SHROOM3: variants seen among roughly 807,000 people sequenced by gnomAD.
The protein encoded by SHROOM3 is protein Shroom3.
A neutral mutation model predicts 138.6 loss-of-function variants in SHROOM3; 47 were observed. The observed-to-expected ratio is 0.34, with a 90% CI of 0.27 to 0.43. The LOEUF (loss-of-function observed/expected upper bound fraction) is 0.43, where lower values mean the gene tolerates loss of function less well. Among genes scored for constraint, SHROOM3 ranks in the 20% least tolerant of loss-of-function variants. The probability of loss-of-function intolerance (pLI) is 1.00; values close to 1 mark genes in which losing one functional copy is unlikely to be tolerated. For missense variants in SHROOM3, 2,491 were observed against 2,596.5 expected, an observed-to-expected ratio of 0.96 and a Z score of 0.88; for synonymous variants, 1,062 against 1,063.3, an observed-to-expected ratio of 1.00 and a Z score of 0.02.
In SHROOM3 at chr4:76,552,696, T is replaced by C. The variant is rs192541669; in HGVS notation, c.169-2913T>C. On this transcript the variant is annotated intron_variant, in intron 1 of 10. Coordinates refer to ENST00000296043, the MANE Select transcript of SHROOM3 (RefSeq NM_020859.4). ...GCTATGTCTGCATATAATTTGTATA[T>C]GTAATATATGTATATATATAATTGC... Among the ~76,000 whole-genome samples the C allele has an allele frequency of 8.7e-3, 1,326 of 151,746 alleles. 11 individuals carry two copies. The highest frequency in any genetic ancestry group is 0.019 in the Admixed American group (290 of 15,198).
intron 1 of SHROOM3, among the ~76,000 whole-genome samples, chr4:76,550,679 T>C (rs1023161929): frequency 1.3e-5 from 2 of 152,056 alleles, no homozygotes; most frequent in African/African-American, 4.8e-5. Flanking sequence ...CCATGAAATG[T>C]TTGACAAATA....
At chr4:76,763,504 G>T (rs1282419600) in intron 9 of SHROOM3, among the ~76,000 whole-genome samples, 1 of 152,186 alleles carries the variant, frequency 6.6e-6, no homozygotes, top group Non-Finnish European at 1.5e-5. Context: ...GGCAGAGGCT[G>T]CAGTGAACCA....
At chr4:76,694,437 T>C (rs1460613695) in intron 2 of SHROOM3, among the ~76,000 whole-genome samples, 2 of 152,234 alleles carry the variant, frequency 1.3e-5, no homozygotes, top group Admixed American at 1.3e-4. Context: ...CTAGTTCTTT[T>C]AATTGATGTT....
intron 2 of SHROOM3, among the ~76,000 whole-genome samples, chr4:76,642,976 G>T (rs1735714092): frequency 2.6e-5 from 4 of 152,122 alleles, no homozygotes; most frequent in Non-Finnish European, 4.4e-5. Context: ...GGAGGCCGAG[G>T]CGGGCAGATC....
At chr4:76,576,866 A>T (rs1008282805) in intron 2 of SHROOM3, among the ~76,000 whole-genome samples, 25 of 152,026 alleles carry the variant, frequency 1.6e-4, no homozygotes, top group African/African-American at 5.8e-4. Context: ...TTAATTTTTA[A>T]ATTAAATTTT....
intron 4 of SHROOM3, among the ~76,000 whole-genome samples, chr4:76,737,785 C>T (rs988684737): frequency 1.3e-5 from 2 of 152,120 alleles, no homozygotes; most frequent in African/African-American, 4.8e-5. Flanking sequence ...TGCTTTTTCA[C>T]CATCTGTATA....
chr4:76,485,369 G>C (rs527891949), intron 1 of SHROOM3, among the ~76,000 whole-genome samples: 1 of 152,334 alleles, frequency 6.6e-6, no homozygotes, highest in East Asian at 1.9e-4. Context: ...TGGAACATTT[G>C]TGAGAGAAGA....
intron 2 of SHROOM3, among the ~76,000 whole-genome samples, chr4:76,681,731 C>A (rs1577970981): frequency 6.6e-6 from 1 of 151,814 alleles, no homozygotes; most frequent in East Asian, 1.9e-4. Context: ...GTATCTGCAG[C>A]CTTTTCAGAT....
At chr4:76,594,305 C>T (rs1437801065) in intron 2 of SHROOM3, among the ~76,000 whole-genome samples, 1 of 152,124 alleles carries the variant, frequency 6.6e-6, no homozygotes, top group Non-Finnish European at 1.5e-5. Flanking sequence ...CACTTTATTG[C>T]CCTCTGTGAG....
intron 2 of SHROOM3, among the ~76,000 whole-genome samples, chr4:76,633,679 GAA>G (rs1363600830): frequency 1.2e-5 from 1 of 85,662 alleles, no homozygotes; most frequent in Non-Finnish European, 2.4e-5. Flanking sequence ...AAAAAAAAAA[GAA>G]AAGAAATTCT....
At chr4:76,718,813 C>T (rs1434942525) in intron 3 of SHROOM3, among the ~76,000 whole-genome samples, 1 of 152,174 alleles carries the variant, frequency 6.6e-6, no homozygotes. Context: ...AAAAACACAA[C>T]CCTTTCTTCA....
At chr4:76,651,381 C>T (rs1735953042) in intron 2 of SHROOM3, among the ~76,000 whole-genome samples, 1 of 132,410 alleles carries the variant, frequency 7.6e-6, no homozygotes, top group South Asian at 2.4e-4. Flanking sequence ...TCTGTATTAA[C>T]ACATCTCATG....
chr4:76,495,193 G>T (rs937049344), intron 1 of SHROOM3, among the ~76,000 whole-genome samples: 1 of 152,176 alleles, frequency 6.6e-6, no homozygotes, highest in Non-Finnish European at 1.5e-5. Context: ...GATTGTAAGC[G>T]TGGACACTGT....
chr4:76,739,900 C>A lies in SHROOM3; in HGVS notation c.1727C>A (p.Thr576Lys), dbSNP rs979034369. 1.2e-6 allele frequency: 2 copies of A among 1,614,200 alleles called. No homozygotes were observed. Among genetic ancestry groups the A allele is most frequent in the Non-Finnish European group, 8.5e-7 (1 of 1,180,056 alleles). ...EEDASLKRHL[T>K]PPQGNSPHSN... The stretch of plus-strand genomic sequence containing the variant: ...GATGCCTCCCTGAAGAGACATCTCA[C>A]ACCTCCCCAAGGCAACAGCCCACAT... Residue 576 changes from threonine to lysine, a missense_variant, in exon 5 of 11, where the codon ACA (threonine) becomes AAA (lysine). By Grantham distance (78) the Thr-to-Lys change is moderately conservative (BLOSUM62 -1). Around this residue, in one of 4 missense-constraint regions of SHROOM3, gnomAD observed 1,733 missense variants for 1,661.6 expected, o/e 1.04. Coordinates refer to ENST00000296043, the MANE Select transcript of SHROOM3 (RefSeq NM_020859.4).
rs888006541 is a variant in SHROOM3 at position 76,741,116 on chromosome 4, G to A, written c.2943G>A (p.Thr981=). ...CGTCGGCCTCCGCCTCCCCGCACACGCCCCGGGAGCGGCACAGCGTGACCC... is the reference window on the plus strand; with the variant it reads ...CGTCGGCCTCCGCCTCCCCGCACACACCCCGGGAGCGGCACAGCGTGACCC... The part of the protein sequence containing the change: ...PEASASASPH[T]PRERHSVTPA... The change falls in exon 5 of 11, where the codon ACG becomes ACA. Residue 981 remains threonine, a synonymous_variant. Coordinates refer to ENST00000296043, the MANE Select transcript of SHROOM3 (RefSeq NM_020859.4). This position sits in a 1 kb window ranked among gnomAD's most constrained non-coding sequence, Gnocchi z 6.2. The A allele has an allele frequency of 3.2e-6, 5 of 1,550,266 alleles. No homozygotes were observed. The highest frequency in any genetic ancestry group is 4.4e-6 in the Non-Finnish European group (5 of 1,147,862).
chr4:76,710,059 G>C, intron 2 of SHROOM3, 97 bp from the exon 3 acceptor site: 1 of 1,549,196 alleles, frequency 6.5e-7, no homozygotes, highest in Non-Finnish European at 8.9e-7. Context: ...TGGCTCCGGG[G>C]TTCGTTTTCA....
At chr4:76,501,713 GC>G (rs1470870482) in intron 1 of SHROOM3, among the ~76,000 whole-genome samples, 6 of 152,114 alleles carry the variant, frequency 3.9e-5, no homozygotes, top group Non-Finnish European at 8.8e-5. Flanking sequence ...ACGTGATAAA[GC>G]CTCCATAAAA....
chr4:76,675,937 G>GATAGGCTGATAGCAGAGAAGGCAGAGAT (rs1339707771), intron 2 of SHROOM3, among the ~76,000 whole-genome samples: 3 of 152,178 alleles, frequency 2.0e-5, no homozygotes, highest in African/African-American at 7.2e-5. Flanking sequence ...AGAAGGCTGA[G>GATAGGCTGATAGCAGAGAAGGCAGAGAT]AGCTGATACA....
rs369613892 is a variant in SHROOM3 at position 76,540,980 on chromosome 4, C to A, written c.169-14629C>A. 1.1e-4 allele frequency among the ~76,000 whole-genome samples: 16 copies of A among 152,206 alleles called. No homozygotes were observed. The East Asian group carries it at 2.1e-3, about 20-fold the overall frequency. ...GAATTGGCAATAAAAAGTGGACTTA[C>A]CTTATATACTTGTAAAATGCATGAA... On this transcript the variant is annotated intron_variant, in intron 1 of 10. Transcript: ENST00000296043.
Sources: allele counts gnomAD v4.1 joint callset (sites outside exome capture counted in the v4.1 genomes callset), GRCh38; gene constraint gnomAD v4.1.1; regional missense constraint gnomAD v4.1.1; non-coding constraint Gnocchi (gnomAD v3.1); transcripts MANE v1.5; gene names NCBI Gene and HGNC (gene_info 2026-07-23, HGNC 2026-07-21).